Variants in CAMK2D observed in about 807,000 individuals in gnomAD.
The protein encoded by CAMK2D is calcium/calmodulin-dependent protein kinase type II subunit delta.
CAMK2D carries 37 observed loss-of-function variants against 84.0 expected under a neutral mutation model. That is an observed-to-expected ratio of 0.44 (90% CI 0.34 to 0.58). The LOEUF is 0.58. Ranked by LOEUF, CAMK2D falls within the 20% of genes least tolerant of loss-of-function variation. The pLI is 0.02. For missense variants in CAMK2D, 448 were observed against 652.5 expected (o/e 0.69, Z 3.41); for synonymous variants, 202 against 212.5 (o/e 0.95, Z 0.43).
At chr4:113,499,339 C>G (rs1231200852) in intron 16 of CAMK2D, among the ~76,000 whole-genome samples, 1 of 152,110 alleles carries the variant, frequency 6.6e-6, no homozygotes, top group Non-Finnish European at 1.5e-5. Context: ...AGAGTTAGGT[C>G]AGTGTGCTTA....
At chr4:113,619,876 G>C (rs373503096) in intron 3 of CAMK2D, among the ~76,000 whole-genome samples, 1 of 152,142 alleles carries the variant, frequency 6.6e-6, no homozygotes, top group African/African-American at 2.4e-5. Flanking sequence ...TGGAGTAGAG[G>C]GTAAGATTGC....
intron 1 of CAMK2D, 55 bp downstream of exon 1, chr4:113,760,949 G>C (rs904597670): frequency 6.2e-6 from 10 of 1,610,272 alleles, no homozygotes; most frequent in Non-Finnish European, 8.5e-6. Context: ...CGGGGGCAAC[G>C]CGACCCGCCC....
chr4:113,473,867 A>G (rs1327755568), intron 16 of CAMK2D, among the ~76,000 whole-genome samples: 1 of 152,158 alleles, frequency 6.6e-6, no homozygotes, highest in South Asian at 2.1e-4. Context: ...GTTTGCAAGG[A>G]TATCACGGGT....
chr4:113,606,204 C>T (rs1403230300), intron 4 of CAMK2D, among the ~76,000 whole-genome samples: 2 of 152,164 alleles, frequency 1.3e-5, no homozygotes, highest in Non-Finnish European at 2.9e-5. Flanking sequence ...GGCACAGTGG[C>T]TCATGCCTGT....
intron 18 of CAMK2D, among the ~76,000 whole-genome samples, chr4:113,458,796 A>G (rs546117375): frequency 6.6e-6 from 1 of 152,346 alleles, no homozygotes; most frequent in African/African-American, 2.4e-5. Context: ...CAAAGCTTAT[A>G]ATTACTGAAA....
At chr4:113,551,545 T>C (rs1048761424) in intron 5 of CAMK2D, among the ~76,000 whole-genome samples, 1 of 152,190 alleles carries the variant, frequency 6.6e-6, no homozygotes, top group African/African-American at 2.4e-5. Context: ...ATGTTCTATA[T>C]CTGGTCTGGC....
At chr4:113,552,361 G>C (rs571078688) in intron 4 of CAMK2D, among the ~76,000 whole-genome samples, 5 of 152,228 alleles carry the variant, frequency 3.3e-5, no homozygotes, top group African/African-American at 1.2e-4. Context: ...GCAGAAAATG[G>C]TTTTCATTTC....
chr4:113,542,354 T>C (rs1406658047), intron 6 of CAMK2D, among the ~76,000 whole-genome samples: 1 of 152,250 alleles, frequency 6.6e-6, no homozygotes, highest in East Asian at 1.9e-4. Context: ...AAAAGTATAA[T>C]ACTTGTGATT....
At chr4:113,579,397 G>A (rs10461150) in intron 4 of CAMK2D, among the ~76,000 whole-genome samples, 110,132 of 152,022 alleles carry the variant, frequency 0.72, 40,185 homozygotes, top group Middle Eastern at 0.78. Flanking sequence ...ATGTTGAAAT[G>A]TGACCCCTAC....
chr4:113,634,492 G>C (rs1209630956), intron 3 of CAMK2D, among the ~76,000 whole-genome samples: 3 of 152,158 alleles, frequency 2.0e-5, no homozygotes, highest in African/African-American at 4.8e-5. Flanking sequence ...TTAATGAGGA[G>C]AGGGAAAAAG....
intron 16 of CAMK2D, among the ~76,000 whole-genome samples, chr4:113,491,570 T>C (rs954544714): frequency 1.8e-4 from 27 of 152,074 alleles, no homozygotes; most frequent in Non-Finnish European, 3.7e-4. Context: ...GATTTTTGCA[T>C]CAATGTTCAT....
At chr4:113,477,065 G>A (rs2097636648) in intron 16 of CAMK2D, among the ~76,000 whole-genome samples, 1 of 152,066 alleles carries the variant, frequency 6.6e-6, no homozygotes, top group Non-Finnish European at 1.5e-5. Context: ...CTTCCTGCTT[G>A]GATGCCCTGC....
chr4:113,712,221 C>T (rs2099495488), intron 2 of CAMK2D, among the ~76,000 whole-genome samples: 1 of 152,098 alleles, frequency 6.6e-6, no homozygotes. Flanking sequence ...TAGAAGCAAA[C>T]TTGAGAAAAG....
chr4:113,504,337 A>C (rs2098097608), intron 14 of CAMK2D, among the ~76,000 whole-genome samples: 1 of 152,208 alleles, frequency 6.6e-6, no homozygotes, highest in African/African-American at 2.4e-5. Flanking sequence ...GATAGACATA[A>C]CTGGTTTCCA....
intron 3 of CAMK2D, among the ~76,000 whole-genome samples, chr4:113,642,663 A>G (rs995520414): frequency 3.3e-5 from 5 of 152,234 alleles, no homozygotes; most frequent in African/African-American, 1.2e-4. Flanking sequence ...AGAGATGGCA[A>G]AAGCATACTT....
At chr4:113,733,391 T>C (rs1325804059) in intron 2 of CAMK2D, among the ~76,000 whole-genome samples, 1 of 152,166 alleles carries the variant, frequency 6.6e-6, no homozygotes, top group African/African-American at 2.4e-5. Context: ...AAATGAAAGA[T>C]CAAAGAGTAA....
At chr4:113,588,469 GA>G (rs2098844072) in intron 4 of CAMK2D, among the ~76,000 whole-genome samples, 1 of 152,090 alleles carries the variant, frequency 6.6e-6, no homozygotes, top group South Asian at 2.1e-4. Flanking sequence ...AACGTATCAT[GA>G]TGTCTCATTT....
At chr4:113,493,910 C>T (rs893946258) in intron 16 of CAMK2D, among the ~76,000 whole-genome samples, 1 of 152,144 alleles carries the variant, frequency 6.6e-6, no homozygotes, top group African/African-American at 2.4e-5. Context: ...CCATCACTGA[C>T]ACCCTTTCTT....
At chr4:113,653,526 G>C (rs2099184865) in intron 3 of CAMK2D, among the ~76,000 whole-genome samples, 1 of 152,000 alleles carries the variant, frequency 6.6e-6, no homozygotes, top group African/African-American at 2.4e-5. Context: ...CCATCAATAA[G>C]GGAGAGGTCA....
Sources: gnomAD v4.1 joint callset for allele counts (sites outside exome capture counted in the v4.1 genomes callset) on GRCh38, gnomAD v4.1.1 for gene constraint, MANE v1.5 for transcripts, NCBI Gene and HGNC (gene_info 2026-07-23, HGNC 2026-07-21) for gene names.